SNTG2: variants seen among roughly 807,000 people sequenced by gnomAD.
SNTG2 encodes gamma-2-syntrophin.
SNTG2 carries 74 observed loss-of-function variants against 70.9 expected under a neutral mutation model. That is an observed-to-expected ratio of 1.04 (90% CI 0.86 to 1.27). The LOEUF (loss-of-function observed/expected upper bound fraction) is 1.27. Among genes scored for constraint, SNTG2 ranks in the 50% most tolerant of loss-of-function variants. The pLI, the probability that SNTG2 is intolerant of heterozygous loss-of-function variation, is 0.00. For missense variants in SNTG2, 717 were observed against 690.7 expected (o/e 1.04, Z -0.43); for synonymous variants, 278 against 273.8 (o/e 1.02, Z -0.15).
chr2:1,051,738 C>T (rs1662085677), intron 1 of SNTG2, among the ~76,000 whole-genome samples: 1 of 152,220 alleles, frequency 6.6e-6, no homozygotes, highest in Non-Finnish European at 1.5e-5. Flanking sequence ...GCAGCCACCA[C>T]AGGAGCGATC....
chr2:1,075,733 G>A (rs752060299), intron 1 of SNTG2, among the ~76,000 whole-genome samples: 10 of 152,188 alleles, frequency 6.6e-5, no homozygotes, highest in Non-Finnish European at 1.2e-4. Flanking sequence ...TGTTGGATAT[G>A]CTGCTGGATT....
chr2:992,345 T>C (rs576786250), intron 1 of SNTG2, among the ~76,000 whole-genome samples: 3 of 152,180 alleles, frequency 2.0e-5, no homozygotes, highest in Admixed American at 6.5e-5. Flanking sequence ...ATGATAAATA[T>C]CCCTACTGAA....
chr2:1,207,816 T>G (rs1333932628), intron 8 of SNTG2, among the ~76,000 whole-genome samples: 2 of 152,174 alleles, frequency 1.3e-5, no homozygotes, highest in African/African-American at 4.8e-5. Context: ...ACATTATTTT[T>G]GGGCAGGTAA....
intron 6 of SNTG2, among the ~76,000 whole-genome samples, chr2:1,143,377 T>C (rs1402567076): frequency 6.6e-6 from 1 of 152,160 alleles, no homozygotes; most frequent in Non-Finnish European, 1.5e-5. Flanking sequence ...CTTGTCATTG[T>C]CTTTCTCCAT....
intron 6 of SNTG2, among the ~76,000 whole-genome samples, chr2:1,141,722 C>G (rs1480095387): frequency 6.6e-6 from 1 of 152,188 alleles, no homozygotes; most frequent in African/African-American, 2.4e-5. Flanking sequence ...GGGCCTGAAT[C>G]CAGGGGTCCA....
intron 1 of SNTG2, among the ~76,000 whole-genome samples, chr2:1,077,954 G>A (rs1343460298): frequency 3.3e-5 from 5 of 152,098 alleles, no homozygotes; most frequent in African/African-American, 9.7e-5. Context: ...GGCCCTCACT[G>A]TTTTGCGGCT....
chr2:1,336,332 C>G (rs1211944847), intron 16 of SNTG2, among the ~76,000 whole-genome samples: 4 of 152,190 alleles, frequency 2.6e-5, no homozygotes, highest in African/African-American at 9.7e-5. Flanking sequence ...CTTTTGAGTG[C>G]TTTGACTTCC....
chr2:1,322,413 G>C (rs61306159), intron 16 of SNTG2, among the ~76,000 whole-genome samples: 2,952 of 152,300 alleles, frequency 0.019, 73 homozygotes, highest in African/African-American at 0.065. Flanking sequence ...TGCGTCCTGG[G>C]ACTTCATTTC....
rs549185800 is a variant in SNTG2, at chr2:1,184,545, AG to A, written c.591+11364del. Among the ~76,000 whole-genome samples the A allele has an allele frequency of 3.1e-4, 47 of 152,266 alleles. 2 individuals are homozygous for A. In the South Asian group the frequency reaches 9.5e-3, roughly 31 times the overall value. ...GGCTGTACAGGAAGCATGGCTGGGG[AG>A]GCCTCAGGAAACTTACAATCATGGT... On this transcript the variant is annotated intron_variant, in intron 8 of 16. Coordinates refer to ENST00000308624, the MANE Select transcript of SNTG2 (RefSeq NM_018968.4).
intron 9 of SNTG2, among the ~76,000 whole-genome samples, chr2:1,209,693 T>C (rs566436513): frequency 6.6e-6 from 1 of 152,336 alleles, no homozygotes; most frequent in East Asian, 1.9e-4. Context: ...GTTTGGTTAA[T>C]TAAATAATTT....
chr2:1,079,746 G>A (rs887407995), intron 1 of SNTG2, among the ~76,000 whole-genome samples: 1 of 152,172 alleles, frequency 6.6e-6, no homozygotes, highest in African/African-American at 2.4e-5. Context: ...TCCTCACCAG[G>A]ACAATTAACC....
At chr2:1,042,805 A>G (rs1304055614) in intron 1 of SNTG2, among the ~76,000 whole-genome samples, 1 of 152,190 alleles carries the variant, frequency 6.6e-6, no homozygotes, top group East Asian at 1.9e-4. Context: ...TGTCTTTGCC[A>G]TCGTGAATAG....
At chr2:992,245 T>A (rs1421858737) in intron 1 of SNTG2, among the ~76,000 whole-genome samples, 1 of 151,924 alleles carries the variant, frequency 6.6e-6, no homozygotes, top group Non-Finnish European at 1.5e-5. Flanking sequence ...ATTGGGGAAA[T>A]TGAGTTAGTG....
intron 14 of SNTG2, among the ~76,000 whole-genome samples, chr2:1,282,667 C>T (rs1679599523): frequency 6.7e-6 from 1 of 149,686 alleles, no homozygotes; most frequent in East Asian, 2.0e-4. Flanking sequence ...CTCCCCCCGC[C>T]CCCACGTCAG....
chr2:978,625 G>A (rs1174217123), intron 1 of SNTG2, among the ~76,000 whole-genome samples: 1 of 152,096 alleles, frequency 6.6e-6, no homozygotes, highest in African/African-American at 2.4e-5. Flanking sequence ...ATTCATGGTA[G>A]CCACTCATAC....
rs558370456 is a variant in SNTG2 at position 1,220,922 on chromosome 2, C to T, written c.719+11692C>T. Among the ~76,000 whole-genome samples, 9 of 152,336 alleles carry T rather than the reference C, an allele frequency of 5.9e-5. 1 individual carries two copies. Among genetic ancestry groups the T allele is most frequent in the African/African-American group, 2.2e-4 (9 of 41,588 alleles). On this transcript the variant is annotated intron_variant, in intron 9 of 16. Transcript: ENST00000308624. The stretch of plus-strand genomic sequence containing the variant: ...CACTGCTAAGCAGATGAATGACTAC[C>T]TAAGGTAGCTCTCCTGAGTTTGCTC...
intron 4 of SNTG2, among the ~76,000 whole-genome samples, chr2:1,100,853 A>G (rs888258272): frequency 6.6e-6 from 1 of 152,160 alleles, no homozygotes; most frequent in African/African-American, 2.4e-5. Context: ...AAGGATGTTT[A>G]TGGTCAATTC....
chr2:1,091,086 T>C (rs1211331154), intron 2 of SNTG2, among the ~76,000 whole-genome samples: 1 of 151,986 alleles, frequency 6.6e-6, no homozygotes, highest in East Asian at 1.9e-4. Context: ...TGCTCTGTGA[T>C]ATGGTTGTGA....
intron 6 of SNTG2, chr2:1,158,410 C>A (rs138880725): frequency 6.4e-4 from 98 of 152,328 alleles, no homozygotes; most frequent in African/African-American, 2.3e-3. Context: ...CTCCCCATTT[C>A]TGGTGGGGGA....
Sources: gnomAD v4.1 joint callset for allele counts (sites outside exome capture counted in the v4.1 genomes callset) on GRCh38, gnomAD v4.1.1 for gene constraint, MANE v1.5 for transcripts, NCBI Gene and HGNC (gene_info 2026-07-23, HGNC 2026-07-21) for gene names.